PTPRT: variants seen among roughly 807,000 people sequenced by gnomAD.
The protein encoded by PTPRT is protein tyrosine phosphatase receptor type T.
PTPRT carries 56 observed loss-of-function variants against 176.8 expected under a neutral mutation model. The ratio of observed to expected loss-of-function variants is 0.32; its 90% confidence interval spans 0.26 to 0.40. The LOEUF (loss-of-function observed/expected upper bound fraction) is 0.40, where lower values mean the gene tolerates loss of function less well. Among genes scored for constraint, PTPRT ranks in the 10% least tolerant of loss-of-function variants. The pLI, the probability that PTPRT is intolerant of heterozygous loss-of-function variation, is 1.00. For missense variants in PTPRT, 1,540 were observed against 1,908.2 expected (o/e 0.81, Z 3.60); for synonymous variants, 783 against 739.0 (o/e 1.06, Z -0.96).
intron 1 of PTPRT, among the ~76,000 whole-genome samples, chr20:43,083,357 TATATATATATATAC>T (rs2011514460): frequency 7.9e-6 from 1 of 126,170 alleles, no homozygotes; most frequent in African/African-American, 3.3e-5. Flanking sequence ...TATATATATA[TATATATATATATAC>T]ATTTTTTGAG....
chr20:42,449,673 C>G (rs2070792548), intron 8 of PTPRT, among the ~76,000 whole-genome samples: 1 of 152,144 alleles, frequency 6.6e-6, no homozygotes, highest in African/African-American at 2.4e-5. Context: ...GAACTAAACA[C>G]CTGTCTGTGA....
intron 7 of PTPRT, among the ~76,000 whole-genome samples, chr20:42,549,436 G>A (rs1228401035): frequency 6.6e-6 from 1 of 152,144 alleles, no homozygotes; most frequent in African/African-American, 2.4e-5. Context: ...TGGGCAGTGG[G>A]GTTGGGGAGG....
At chr20:42,842,326 A>G (rs1475129882) in intron 2 of PTPRT, among the ~76,000 whole-genome samples, 16 of 152,254 alleles carry the variant, frequency 1.1e-4, no homozygotes, top group Non-Finnish European at 1.5e-5. Context: ...AAGGGAGCTG[A>G]GTAGCTACAC....
At chr20:42,533,165 G>A (rs962663236) in intron 7 of PTPRT, among the ~76,000 whole-genome samples, 1 of 152,192 alleles carries the variant, frequency 6.6e-6, no homozygotes, top group African/African-American at 2.4e-5. Flanking sequence ...TAAACAGCGG[G>A]CAGCATTGCA....
chr20:42,433,393 T>A (rs2059233208), intron 9 of PTPRT, among the ~76,000 whole-genome samples: 1 of 152,176 alleles, frequency 6.6e-6, no homozygotes, highest in Admixed American at 6.5e-5. Flanking sequence ...CCTATCAACC[T>A]TCTGAGAAGA....
chr20:42,239,093 G>C (rs1240188889), intron 14 of PTPRT, among the ~76,000 whole-genome samples: 2 of 152,028 alleles, frequency 1.3e-5, no homozygotes, highest in East Asian at 3.9e-4. Context: ...GTAAAGGGTG[G>C]CTTATGTCTG....
Position 42,885,923 on chromosome 20 carries a change from G to C in PTPRT, c.98C>G (p.Ser33Cys), listed in dbSNP as rs1193404845. 1 of 1,606,596 alleles carries C rather than the reference G, an allele frequency of 6.2e-7. No homozygotes were observed. Among genetic ancestry groups the C allele is most frequent in the South Asian group, 1.1e-5 (1 of 90,784 alleles). Residue 33 changes from serine to cysteine, a missense_variant, in exon 2 of 31, where the codon TCC (serine) becomes TGC (cysteine). Around this residue, in one of 11 missense-constraint regions of PTPRT, gnomAD observed 116 missense variants for 118.5 expected, o/e 0.98. Coordinates refer to ENST00000373187, the MANE Select transcript of PTPRT (RefSeq NM_007050.6). Reference sequence around the variant, plus strand: ...ACAGTTGCTGTAGTGCTCATCAAAGGAACAGCCACCTGTAGACAAAAGAGA... The same window carrying C: ...ACAGTTGCTGTAGTGCTCATCAAAGCAACAGCCACCTGTAGACAAAAGAGA... ...ARAQSAAGGC[S>C]FDEHYSNCGY...
At chr20:42,863,993 G>A (rs900166812) in intron 2 of PTPRT, among the ~76,000 whole-genome samples, 2 of 152,186 alleles carry the variant, frequency 1.3e-5, no homozygotes, top group Non-Finnish European at 2.9e-5. Context: ...CCAGCTACCT[G>A]GCCAGGATGC....
At chr20:42,059,363 C>T in the PTPRT span, among the ~76,000 whole-genome samples, 1 of 152,186 alleles carries the variant, frequency 6.6e-6, no homozygotes, top group Non-Finnish European at 1.5e-5. Flanking sequence ...GGGCTGCCAG[C>T]AGGGGCCTCT....
intron 15 of PTPRT, among the ~76,000 whole-genome samples, chr20:42,226,234 C>T (rs1479494225): frequency 2.0e-5 from 3 of 152,156 alleles, no homozygotes; most frequent in South Asian, 4.1e-4. Flanking sequence ...TCAGCAAATG[C>T]TTATGAATGA....
At chr20:42,461,235 G>A (rs2071013588) in intron 8 of PTPRT, among the ~76,000 whole-genome samples, 2 of 152,230 alleles carry the variant, frequency 1.3e-5, no homozygotes, top group East Asian at 3.8e-4. Flanking sequence ...GCTGAAGCAG[G>A]AGAATGGCTT....
intron 4 of PTPRT, among the ~76,000 whole-genome samples, chr20:42,773,424 CA>C (rs918797600): frequency 6.6e-6 from 1 of 152,068 alleles, no homozygotes; most frequent in Non-Finnish European, 1.5e-5. Context: ...CTGAAACCCC[CA>C]AAAAATCCAG....
At chr20:43,157,808 G>A (rs1178603228) in intron 1 of PTPRT, among the ~76,000 whole-genome samples, 1 of 152,150 alleles carries the variant, frequency 6.6e-6, no homozygotes, top group Non-Finnish European at 1.5e-5. Flanking sequence ...TCCAAGGTGG[G>A]AGTGTGCCTG....
At chr20:42,694,757 C>T (rs2075847559) in intron 6 of PTPRT, among the ~76,000 whole-genome samples, 1 of 151,618 alleles carries the variant, frequency 6.6e-6, no homozygotes, top group African/African-American at 2.4e-5. Context: ...TTAATTTATA[C>T]TACCTTAATG....
chr20:42,801,665 C>A (rs2077532691), intron 2 of PTPRT, among the ~76,000 whole-genome samples: 3 of 152,104 alleles, frequency 2.0e-5, no homozygotes, highest in Admixed American at 2.0e-4. Flanking sequence ...AAGGCAAGAA[C>A]CCAGACTTGA....
chr20:42,377,339 G>C (rs1317288652), intron 9 of PTPRT, among the ~76,000 whole-genome samples: 3 of 152,166 alleles, frequency 2.0e-5, no homozygotes, highest in African/African-American at 7.2e-5. Flanking sequence ...TTTATTCCTA[G>C]AAGGTAAAGA....
intron 6 of PTPRT, among the ~76,000 whole-genome samples, chr20:42,729,884 G>A (rs1019246884): frequency 6.6e-5 from 10 of 152,120 alleles, no homozygotes; most frequent in African/African-American, 2.4e-4. Flanking sequence ...CTGAGATTTG[G>A]CCTGGACTTC....
At chr20:42,382,053 C>A (rs1299711330) in intron 9 of PTPRT, among the ~76,000 whole-genome samples, 5 of 152,136 alleles carry the variant, frequency 3.3e-5, no homozygotes, top group Admixed American at 6.5e-5. Flanking sequence ...AAAAATAAGA[C>A]CCTTTCCTAT....
intron 1 of PTPRT, among the ~76,000 whole-genome samples, chr20:42,898,375 A>G (rs2079341118): frequency 6.6e-6 from 1 of 152,028 alleles, no homozygotes; most frequent in South Asian, 2.1e-4. Flanking sequence ...AACTTGGCTA[A>G]TTTTTAAATT....
Sources: allele counts gnomAD v4.1 joint callset (sites outside exome capture counted in the v4.1 genomes callset), GRCh38; gene constraint gnomAD v4.1.1; regional missense constraint gnomAD v4.1.1; transcripts MANE v1.5; gene names NCBI Gene and HGNC (gene_info 2026-07-23, HGNC 2026-07-21).